The following P4HA1 variants were observed in gnomAD, a reference collection of about 807,000 sequenced individuals.
The protein encoded by P4HA1 is prolyl 4-hydroxylase subunit alpha-1.
A neutral mutation model predicts 72.8 loss-of-function variants in P4HA1; 24 were observed. The observed-to-expected ratio is 0.33, with a 90% confidence interval of 0.24 to 0.46. P4HA1 has a LOEUF of 0.46. P4HA1 is among the 20% of genes least tolerant of loss of function. P4HA1 has a pLI of 1.00. For synonymous variants in P4HA1, 201 were observed against 218.8 expected (o/e 0.92, Z 0.72); for missense variants, 446 against 640.6 (o/e 0.70, Z 3.28).
intron 7 of P4HA1, among the ~76,000 whole-genome samples, chr10:73,050,812 C>T (rs1482047204): frequency 1.3e-5 from 2 of 152,172 alleles, no homozygotes; most frequent in South Asian, 2.1e-4. Context: ...TCAAGTGATC[C>T]TCCCACCTCA....
At chr10:73,089,305 C>T (rs1841980996) in intron 1 of P4HA1, among the ~76,000 whole-genome samples, 1 of 152,176 alleles carries the variant, frequency 6.6e-6, no homozygotes, top group African/African-American at 2.4e-5. Flanking sequence ...TAAGCTACAA[C>T]TCTGCTGAAT....
chr10:73,092,653 T>G (rs1351171183), intron 1 of P4HA1, among the ~76,000 whole-genome samples: 1 of 149,528 alleles, frequency 6.7e-6, no homozygotes, highest in African/African-American at 2.5e-5. Flanking sequence ...CCACCATGCC[T>G]GGGCAACATA....
chr10:73,068,727 G>A, intron 5 of P4HA1, 119 bp downstream of exon 5: 1 of 823,458 alleles, frequency 1.2e-6, no homozygotes, highest in Admixed American at 2.2e-5. Flanking sequence ...CGAAGGCTAT[G>A]AAACAAACTA....
In P4HA1 at chr10:73,041,193, T is replaced by A. The variant is rs374601630; in HGVS notation, c.1148+3788A>T. On this transcript the variant is annotated intron_variant, in intron 9 of 14. Coordinates refer to ENST00000394890, the MANE Select transcript of P4HA1 (RefSeq NM_001017962.3). ...ACCCCAAAATATGGCACTGTAGCATTTGAGCAGAAGCAGGTCTCTCTGACC... is the reference window on the plus strand; with the variant it reads ...ACCCCAAAATATGGCACTGTAGCATATGAGCAGAAGCAGGTCTCTCTGACC... Among the ~76,000 whole-genome samples, 86 of 152,236 alleles carry A rather than the reference T, an allele frequency of 5.6e-4. 1 individual carries two copies. The highest frequency in any genetic ancestry group is 2.0e-3 in the African/African-American group (82 of 41,518).
At chr10:73,035,208 C>A (rs1332766258) in intron 9 of P4HA1, among the ~76,000 whole-genome samples, 1 of 151,820 alleles carries the variant, frequency 6.6e-6, no homozygotes, top group Non-Finnish European at 1.5e-5. Flanking sequence ...TATTCCCATC[C>A]CTCACTGCCT....
chr10:73,063,283 T>C (rs1168160350), intron 5 of P4HA1, among the ~76,000 whole-genome samples: 1 of 152,230 alleles, frequency 6.6e-6, no homozygotes, highest in African/African-American at 2.4e-5. Context: ...GGCACCTTGT[T>C]GCTGCATCCT....
chr10:73,019,652 C>A (rs1840088073), intron 10 of P4HA1, among the ~76,000 whole-genome samples: 1 of 134,186 alleles, frequency 7.5e-6, no homozygotes, highest in African/African-American at 2.8e-5. Context: ...ATCGCTTGAA[C>A]CTGGGAGGCG....
At chr10:73,024,233 T>TA (rs1301468633) in intron 10 of P4HA1, among the ~76,000 whole-genome samples, 1 of 152,180 alleles carries the variant, frequency 6.6e-6, no homozygotes, top group Non-Finnish European at 1.5e-5. Context: ...ACTGACCACA[T>TA]AATTGGAAGT....
chr10:73,044,842 A>G, intron 9 of P4HA1, 139 bp downstream of exon 9: 1 of 535,434 alleles, frequency 1.9e-6, no homozygotes, highest in Non-Finnish European at 3.3e-6. Context: ...CAGTTTATCC[A>G]TGCGTTATCC....
At chr10:73,063,231 G>C (rs892172280) in intron 5 of P4HA1, among the ~76,000 whole-genome samples, 1 of 152,166 alleles carries the variant, frequency 6.6e-6, no homozygotes, top group Non-Finnish European at 1.5e-5. Flanking sequence ...AAGCACCAGC[G>C]GGTTCAATTG....
At chr10:73,087,762 GATT>G (rs1225451646) in intron 1 of P4HA1, among the ~76,000 whole-genome samples, 7 of 152,236 alleles carry the variant, frequency 4.6e-5, no homozygotes, top group African/African-American at 1.4e-4. Context: ...AAAGTGCTGG[GATT>G]ACAGACGTGA....
chr10:73,050,237 A>T (rs1469191580), intron 7 of P4HA1, among the ~76,000 whole-genome samples: 1 of 151,856 alleles, frequency 6.6e-6, no homozygotes, highest in African/African-American at 2.4e-5. Context: ...CTTCCTTTAA[A>T]CTTATTTGAT....
At chr10:73,045,165 C>A in intron 8 of P4HA1, 114 bp from the exon 9 acceptor site, 1 of 749,366 alleles carries the variant, frequency 1.3e-6, no homozygotes, top group Non-Finnish European at 2.2e-6. Flanking sequence ...GAGAAAATAA[C>A]TCCATACACT....
chr10:73,067,341 C>A (rs570459395), intron 5 of P4HA1, among the ~76,000 whole-genome samples: 1 of 152,186 alleles, frequency 6.6e-6, no homozygotes, highest in Non-Finnish European at 1.5e-5. Context: ...TGGCCCCAAC[C>A]CAATCTCCAT....
chr10:73,088,340 A>G (rs1484300683), intron 1 of P4HA1, among the ~76,000 whole-genome samples: 2 of 152,182 alleles, frequency 1.3e-5, no homozygotes, highest in African/African-American at 2.4e-5. Flanking sequence ...TAAGTCTGTA[A>G]GAAAGCCCAG....
Position 73,053,535 on chromosome 10 carries a change from C to T in P4HA1, c.519G>A (p.Val173=), listed in dbSNP as rs1433734436. The T allele has an allele frequency of 1.2e-6, 2 of 1,613,798 alleles. No homozygotes were observed. Among genetic ancestry groups the T allele is most frequent in the Admixed American group, 3.3e-5 (2 of 59,994 alleles). ...TAEDCFELGK[V]AYTEADYYHT... ...GGTAATAATCTGCTTCTGTATAGGC[C>T]ACTTTGCCCAACTCAAAGCAGTCCT... The change falls in exon 6 of 15, where the codon GTG becomes GTA. Residue 173 remains valine, a synonymous_variant. Coordinates refer to ENST00000394890, the MANE Select transcript of P4HA1 (RefSeq NM_001017962.3).
intron 5 of P4HA1, among the ~76,000 whole-genome samples, chr10:73,064,705 G>A (rs1841381598): frequency 6.6e-6 from 1 of 151,952 alleles, no homozygotes. Context: ...GCTGGACATG[G>A]TGGTGGGCAC....
At chr10:73,045,143 G>C (rs955660211) in intron 8 of P4HA1, 92 bp from the exon 9 acceptor site, 24 of 1,026,492 alleles carry the variant, frequency 2.3e-5, no homozygotes, top group Admixed American at 1.0e-4. Flanking sequence ...TTTTTACAAA[G>C]GAGGCTAAAA....
chr10:73,064,020 G>A (rs1564632571), intron 5 of P4HA1, among the ~76,000 whole-genome samples: 1 of 152,118 alleles, frequency 6.6e-6, no homozygotes, highest in African/African-American at 2.4e-5. Context: ...AAAGCAAACC[G>A]AGTTTGATGA....
Sources: gnomAD v4.1 joint callset for allele counts (sites outside exome capture counted in the v4.1 genomes callset) on GRCh38, gnomAD v4.1.1 for gene constraint, MANE v1.5 for transcripts, NCBI Gene and HGNC (gene_info 2026-07-23, HGNC 2026-07-21) for gene names.